The following PLPPR5 variants were observed in gnomAD, a reference collection of about 807,000 sequenced individuals.
The protein encoded by PLPPR5 is phospholipid phosphatase related 5.
A neutral mutation model predicts 33.9 loss-of-function variants in PLPPR5; 16 were observed. The observed-to-expected ratio is 0.47, with a 90% CI of 0.32 to 0.72. PLPPR5 has a LOEUF of 0.72. PLPPR5 is among the 30% of genes least tolerant of loss of function. The pLI is 0.03. For synonymous variants in PLPPR5, 163 were observed against 150.3 expected (o/e 1.08, Z -0.62); for missense variants, 301 against 406.7 (o/e 0.74, Z 2.23).
chr1:98,914,330 A>G lies in PLPPR5; in HGVS notation c.933+456T>C, dbSNP rs1262753188. Among the ~76,000 whole-genome samples the G allele has an allele frequency of 2.0e-5, 3 of 152,256 alleles. No individual in the cohort carries two copies. The East Asian group carries it at 5.8e-4, about 29-fold the overall frequency. On this transcript the variant is annotated intron_variant, in intron 5 of 5. Coordinates refer to ENST00000263177, the MANE Select transcript of PLPPR5 (RefSeq NM_001037317.2). ...ATACGGAGTCTCACTCTGTTGCGTAAGCTGGACTGCAGTGGCATGATCTTG... is the reference window on the plus strand; with the variant it reads ...ATACGGAGTCTCACTCTGTTGCGTAGGCTGGACTGCAGTGGCATGATCTTG...
At chr1:98,940,659 A>T (rs535807951) in intron 3 of PLPPR5, among the ~76,000 whole-genome samples, 1 of 152,056 alleles carries the variant, frequency 6.6e-6, no homozygotes, top group East Asian at 1.9e-4. Context: ...AGAATGGACA[A>T]GGATGAGAAA....
chr1:98,968,282 C>A (rs1651524207), intron 1 of PLPPR5, among the ~76,000 whole-genome samples: 1 of 152,006 alleles, frequency 6.6e-6, no homozygotes, highest in South Asian at 2.1e-4. Context: ...TTGGCCAGTA[C>A]TGTTATAATG....
intron 5 of PLPPR5, among the ~76,000 whole-genome samples, chr1:98,898,321 T>C (rs1301243976): frequency 6.6e-6 from 1 of 152,184 alleles, no homozygotes; most frequent in Non-Finnish European, 1.5e-5. Context: ...CATGGTCCAA[T>C]AAATTAACCA....
rs556176362 is a variant in PLPPR5 at position 98,902,611 on chromosome 1, C to A, written c.934-9507G>T. 8.5e-5 allele frequency among the ~76,000 whole-genome samples: 13 copies of A among 152,090 alleles called. No homozygotes were observed. In the South Asian group the frequency reaches 2.3e-3, roughly 27 times the overall value. ...CAAAATGTTTTCACAGAACTGCGAT[C>A]CTCTGATTGATTTTGAAGGCCCTCC... On this transcript the variant is annotated intron_variant, in intron 5 of 5. Transcript: ENST00000263177.
intron 3 of PLPPR5, among the ~76,000 whole-genome samples, chr1:98,927,409 G>C (rs1649808202): frequency 6.6e-6 from 1 of 152,160 alleles, no homozygotes; most frequent in South Asian, 2.1e-4. Context: ...CTTCATTGGT[G>C]CCCTACTGAC....
At chr1:98,896,360 T>C (rs560014005) in intron 5 of PLPPR5, among the ~76,000 whole-genome samples, 1 of 152,228 alleles carries the variant, frequency 6.6e-6, no homozygotes, top group South Asian at 2.1e-4. Flanking sequence ...TTTTTCAATA[T>C]GGCTAAATTC....
intron 5 of PLPPR5, among the ~76,000 whole-genome samples, chr1:98,902,206 T>A (rs1418612638): frequency 6.6e-6 from 1 of 152,084 alleles, no homozygotes; most frequent in African/African-American, 2.4e-5. Flanking sequence ...AATTGAAGAT[T>A]AGCTTTTAAT....
intron 1 of PLPPR5, among the ~76,000 whole-genome samples, chr1:98,993,843 G>A (rs1021268621): frequency 2.6e-5 from 4 of 151,990 alleles, no homozygotes. Context: ...ACTATCAAAA[G>A]CACCCTTTAT....
intron 2 of PLPPR5, among the ~76,000 whole-genome samples, chr1:98,955,419 A>C (rs1035051298): frequency 1.4e-4 from 22 of 152,136 alleles, no homozygotes; most frequent in African/African-American, 4.8e-4. Context: ...ATATTGTTGC[A>C]TATTGCTTTT....
chr1:98,994,429 G>A (rs550286538), intron 1 of PLPPR5, among the ~76,000 whole-genome samples: 1 of 151,982 alleles, frequency 6.6e-6, no homozygotes, highest in Non-Finnish European at 1.5e-5. Flanking sequence ...CAATAGACTA[G>A]CAAATGTAAT....
intron 1 of PLPPR5, among the ~76,000 whole-genome samples, chr1:98,967,787 G>A (rs565927291): frequency 6.6e-6 from 1 of 152,062 alleles, no homozygotes; most frequent in Middle Eastern, 3.2e-3. Flanking sequence ...TAAGCACTAC[G>A]TAAATTTTAG....
At chr1:98,946,044 T>C (rs1228525826) in intron 3 of PLPPR5, among the ~76,000 whole-genome samples, 1 of 152,164 alleles carries the variant, frequency 6.6e-6, no homozygotes, top group East Asian at 1.9e-4. Context: ...TCATCTGGTC[T>C]TGGTCACATC....
intron 5 of PLPPR5, among the ~76,000 whole-genome samples, chr1:98,897,632 CCTGT>C (rs762304742): frequency 9.2e-5 from 14 of 152,086 alleles, no homozygotes; most frequent in Non-Finnish European, 1.8e-4. Flanking sequence ...GATCTGTGCA[CCTGT>C]CTTTCATGCA....
rs41302764 is a variant in PLPPR5, at chr1:98,892,459, T to A, written c.*613A>T. 2.6e-5 allele frequency: 4 copies of A among 152,526 alleles called. No homozygotes were observed. Among genetic ancestry groups the A allele is most frequent in the Non-Finnish European group, 5.9e-5 (4 of 68,006 alleles). 9.4% of individuals were successfully genotyped at this position (152,526 alleles called of 1,614,324 possible). A position where few individuals can be genotyped will look rare whatever the true frequency, so the allele number is the denominator to read the frequency against. On this transcript the variant is annotated 3_prime_UTR_variant, in exon 6 of 6. Transcript: ENST00000263177. ...AAAAGCAGAAGCACCAGTCTTAGAATGTATAGTATGAATAGTATTTTAAGT... is the reference window on the plus strand; with the variant it reads ...AAAAGCAGAAGCACCAGTCTTAGAAAGTATAGTATGAATAGTATTTTAAGT...
At chr1:98,953,016 G>A in intron 3 of PLPPR5, 54 bp downstream of exon 3, 1 of 1,584,824 alleles carries the variant, frequency 6.3e-7, no homozygotes, top group East Asian at 2.3e-5. Flanking sequence ...TTTCTACATT[G>A]GAAAAATTAA....
At chr1:98,904,333 A>G (rs1648814253) in intron 5 of PLPPR5, among the ~76,000 whole-genome samples, 1 of 149,660 alleles carries the variant, frequency 6.7e-6, no homozygotes, top group East Asian at 2.0e-4. Context: ...TCAACCTAAG[A>G]AAAAATAATG....
intron 1 of PLPPR5, among the ~76,000 whole-genome samples, chr1:98,999,767 C>A (rs72732440): frequency 0.052 from 7,951 of 152,236 alleles, 239 homozygotes; most frequent in East Asian, 0.14. Context: ...CATACAATGA[C>A]GCCAGCACCC....
At position 98,901,750 on chromosome 1, in the gene PLPPR5, A is replaced by G. The variant is rs570271807; in HGVS notation, c.934-8646T>C. The stretch of plus-strand genomic sequence containing the variant: ...TCAACCAAAAGCCTTAAAAGTGTTC[A>G]TGCTCTGTTTCTGCACTTCTATGTC... On this transcript the variant is annotated intron_variant, in intron 5 of 5. Coordinates refer to ENST00000263177, the MANE Select transcript of PLPPR5 (RefSeq NM_001037317.2). Among the ~76,000 whole-genome samples, 89 of 152,212 alleles carry G rather than the reference A, an allele frequency of 5.8e-4. 1 individual carries two copies. In the South Asian group the frequency reaches 0.017, roughly 30 times the overall value.
At chr1:98,987,820 A>T (rs1652309991) in intron 1 of PLPPR5, among the ~76,000 whole-genome samples, 2 of 151,988 alleles carry the variant, frequency 1.3e-5, no homozygotes, top group Admixed American at 1.3e-4. Context: ...TTTTTTTAAC[A>T]TTGCTGATTC....
Sources: gnomAD v4.1 joint callset for allele counts (sites outside exome capture counted in the v4.1 genomes callset) on GRCh38, gnomAD v4.1.1 for gene constraint, MANE v1.5 for transcripts, NCBI Gene and HGNC (gene_info 2026-07-23, HGNC 2026-07-21) for gene names.